Variants in RANBP2 observed in about 807,000 individuals in gnomAD.
RANBP2 encodes the protein RAN binding protein 2, also known as E3 SUMO-protein ligase RanBP2.
In RANBP2, 57 loss-of-function variants were observed where a neutral mutation model predicts 303.6. That is an observed-to-expected ratio of 0.19 (90% CI 0.15 to 0.23). The LOEUF (loss-of-function observed/expected upper bound fraction) is 0.23. Ranked by LOEUF, RANBP2 falls within the 10% of genes least tolerant of loss-of-function variation. The pLI is 1.00. For synonymous variants in RANBP2, 1,167 were observed against 1,301.5 expected, an observed-to-expected ratio of 0.90 and a Z score of 2.23; for missense variants, 3,138 against 3,780.8, an observed-to-expected ratio of 0.83 and a Z score of 4.46.
intron 17 of RANBP2, among the ~76,000 whole-genome samples, chr2:108,757,075 C>T (rs1676374347): frequency 6.6e-6 from 1 of 152,182 alleles, no homozygotes; most frequent in Admixed American, 6.5e-5. Flanking sequence ...AGAAAGCAGA[C>T]ATGCTAGATC....
At chr2:109,307,144 G>C in the RANBP2 span, among the ~76,000 whole-genome samples, 2 of 152,182 alleles carry the variant, frequency 1.3e-5, no homozygotes, top group South Asian at 4.1e-4. Flanking sequence ...AAAAGTACCT[G>C]TTGTACTCTT....
At chr2:109,419,211 C>T in the RANBP2 span, among the ~76,000 whole-genome samples, 1 of 152,060 alleles carries the variant, frequency 6.6e-6, no homozygotes, top group African/African-American at 2.4e-5. Context: ...TTTAAACAAA[C>T]ACAATAATAA....
At position 108,768,388 on chromosome 2, in the gene RANBP2, G is replaced by C. The variant is rs912607119; in HGVS notation, c.7849G>C (p.Ala2617Pro). 6.2e-7 allele frequency: 1 copy of C among 1,610,916 alleles called. No individual in the cohort carries two copies. The highest frequency in any genetic ancestry group is 1.3e-5 in the African/African-American group (1 of 74,818). Reference sequence around the variant, plus strand: ...CTACACATTTAAAACACCAGAAAAGGGTAAGTACTTTGTTGTTAAAGTTAA... The same window carrying C: ...CTACACATTTAAAACACCAGAAAAGCGTAAGTACTTTGTTGTTAAAGTTAA... ...INYTFKTPEK[A>P]KEKKKPEDSP... Residue 2617 changes from alanine to proline, a missense_variant and splice_region_variant, in exon 20 of 29, where the codon GCA becomes CCA. Around this residue, in one of 20 missense-constraint regions of RANBP2, gnomAD observed 497 missense variants for 465.8 expected, o/e 1.07. Coordinates refer to ENST00000283195, the MANE Select transcript of RANBP2 (RefSeq NM_006267.5).
chr2:109,138,649 ACT>A, the RANBP2 span, among the ~76,000 whole-genome samples: 1 of 151,982 alleles, frequency 6.6e-6, no homozygotes, highest in African/African-American at 2.4e-5. Context: ...GAAGTGGGTC[ACT>A]CTTCCTCTGG....
the RANBP2 span, among the ~76,000 whole-genome samples, chr2:108,847,978 C>T: frequency 2.0e-5 from 3 of 152,060 alleles, no homozygotes; most frequent in African/African-American, 7.2e-5. Context: ...ACAGACCTAT[C>T]TCCAAATCTT....
chr2:109,122,520 A>G, the RANBP2 span, among the ~76,000 whole-genome samples: 18 of 152,344 alleles, frequency 1.2e-4, no homozygotes, highest in African/African-American at 4.3e-4. Flanking sequence ...AGAGAATTCA[A>G]GTGTGGCTTG....
At chr2:109,392,032 T>C in the RANBP2 span, among the ~76,000 whole-genome samples, 1 of 152,030 alleles carries the variant, frequency 6.6e-6, no homozygotes, top group Non-Finnish European at 1.5e-5. Flanking sequence ...CCCAGGCTGA[T>C]CTCGAACTCC....
chr2:109,688,149 C>G, the RANBP2 span, among the ~76,000 whole-genome samples: 5 of 152,044 alleles, frequency 3.3e-5, no homozygotes, highest in Non-Finnish European at 7.4e-5. Flanking sequence ...TTGGAGTGTA[C>G]GTTCTGTTTG....
chr2:109,449,634 C>T, the RANBP2 span: 5 of 1,133,784 alleles, frequency 4.4e-6, no homozygotes, highest in Middle Eastern at 6.5e-4. Context: ...AGGCGTGTGA[C>T]AGAGAGGGAG....
chr2:108,799,315 A>G, the RANBP2 span, among the ~76,000 whole-genome samples: 4 of 152,222 alleles, frequency 2.6e-5, no homozygotes. Context: ...TACTGTACAT[A>G]TAACTTACTT....
the RANBP2 span, among the ~76,000 whole-genome samples, chr2:109,282,862 G>T: frequency 7.4e-4 from 113 of 152,292 alleles, no homozygotes; most frequent in Non-Finnish European, 6.9e-4. Context: ...TGTGAGGAGA[G>T]GAGCTATGGA....
At chr2:109,477,615 TGTG>T in the RANBP2 span, among the ~76,000 whole-genome samples, 5 of 35,558 alleles carry the variant, frequency 1.4e-4, no homozygotes, top group Non-Finnish European at 4.0e-4. Context: ...CACAGATGGG[TGTG>T]TGTGTGTGTG....
At chr2:109,469,972 G>A in the RANBP2 span, among the ~76,000 whole-genome samples, 1 of 152,182 alleles carries the variant, frequency 6.6e-6, no homozygotes, top group Non-Finnish European at 1.5e-5. Context: ...ATGAACCCAT[G>A]AGCAGATACG....
the RANBP2 span, among the ~76,000 whole-genome samples, chr2:109,436,375 T>C: frequency 1.1e-3 from 163 of 152,334 alleles, 1 homozygote; most frequent in East Asian, 0.019. Context: ...AGGGCATCTA[T>C]TTCTGGTATG....
chr2:108,909,461 G>GGAATCATAGGAAGATCATA, the RANBP2 span, among the ~76,000 whole-genome samples: 2 of 152,288 alleles, frequency 1.3e-5, no homozygotes, highest in East Asian at 3.9e-4. Context: ...GGAAGATCAT[G>GGAATCATAGGAAGATCATA]GGGTGGGGGC....
the RANBP2 span, among the ~76,000 whole-genome samples, chr2:108,892,582 G>A: frequency 1.3e-5 from 2 of 152,182 alleles, no homozygotes; most frequent in Admixed American, 1.3e-4. Context: ...TCAGAAAGGT[G>A]TGGGATCCAG....
the RANBP2 span, chr2:108,908,106 C>T: frequency 1.0e-5 from 15 of 1,434,706 alleles, no homozygotes; most frequent in Non-Finnish European, 1.3e-5. Flanking sequence ...TGTCCATTGC[C>T]CAGCTGTGGA....
the RANBP2 span, among the ~76,000 whole-genome samples, chr2:108,982,387 T>C: frequency 5.5e-3 from 836 of 152,348 alleles, 6 homozygotes; most frequent in African/African-American, 0.019. Flanking sequence ...CAGAGGCTCC[T>C]GCTTTAACTG....
chr2:109,357,476 C>T, the RANBP2 span, among the ~76,000 whole-genome samples: 6 of 152,296 alleles, frequency 3.9e-5, no homozygotes, highest in South Asian at 4.1e-4. Flanking sequence ...CCACCGCACC[C>T]GGCCAACAGA....
Sources: allele counts gnomAD v4.1 joint callset (sites outside exome capture counted in the v4.1 genomes callset), GRCh38; gene constraint gnomAD v4.1.1; regional missense constraint gnomAD v4.1.1; transcripts MANE v1.5; gene names NCBI Gene and HGNC (gene_info 2026-07-23, HGNC 2026-07-21).